Variants in AVP observed in about 807,000 individuals in gnomAD.
AVP encodes arginine vasopressin.
In AVP, 9 loss-of-function variants were observed where a neutral mutation model predicts 11.1. That is an observed-to-expected ratio of 0.81 (90% CI 0.49 to 1.42). AVP has a LOEUF of 1.42. Among genes scored for constraint, AVP ranks in the 40% most tolerant of loss-of-function variants. The probability of loss-of-function intolerance (pLI) is 0.00; values close to 1 mark genes in which losing one functional copy is unlikely to be tolerated. For synonymous variants in AVP, 106 were observed against 111.3 expected (o/e 0.95, Z 0.30); for missense variants, 206 against 238.5 (o/e 0.86, Z 0.90).
rs913124640 is a variant in AVP at position 3,083,270 on chromosome 20, G to A, written c.121-92C>T. On this transcript the variant is annotated intron_variant, in intron 1 of 2. Transcript: ENST00000380293. The surrounding 1 kb of genome is among the most constrained non-coding windows in gnomAD (Gnocchi z 5.4). ...GCGAGGCGGGGATGCTGGGGTCCAG[G>A]GCTCGGAGTGCGGGCGGGACACCGG... 4 of 1,280,772 alleles carry A rather than the reference G, an allele frequency of 3.1e-6. No individual in the cohort carries two copies. Among genetic ancestry groups the A allele is most frequent in the Non-Finnish European group, 4.0e-6 (4 of 991,436 alleles). 79.3% of individuals were successfully genotyped at this position (1,280,772 alleles called of 1,614,324 possible).
At chr20:3,084,498 C>T in intron 1 of AVP, 57 bp downstream of exon 1, 2 of 1,611,590 alleles carry the variant, frequency 1.2e-6, no homozygotes, top group Non-Finnish European at 1.7e-6. Flanking sequence ...GCCCCTGACC[C>T]AGGGTGTCAG....
rs1459924350 is a variant in AVP at position 3,082,923 on chromosome 20, C to T, written c.322+54G>A. ...CACCCCGCCGCAGGCCCGCGTCCCCCCCACCCAAGCGGTCTGCGCCCCCCC... is the reference window on the plus strand; with the variant it reads ...CACCCCGCCGCAGGCCCGCGTCCCCTCCACCCAAGCGGTCTGCGCCCCCCC... On this transcript the variant is annotated intron_variant, in intron 2 of 2. Transcript: ENST00000380293. The surrounding 1 kb of genome is among the most constrained non-coding windows in gnomAD (Gnocchi z 4.7). 1.9e-5 allele frequency: 21 copies of T among 1,079,464 alleles called. No individual in the cohort carries two copies. Among genetic ancestry groups the T allele is most frequent in the Non-Finnish European group, 2.4e-5 (21 of 859,922 alleles). The allele number at this position is 1,079,464 out of a possible 1,614,324, so 66.9% of individuals were successfully genotyped here.
At chr20:3,084,120 C>T (rs2066125601) in intron 1 of AVP, among the ~76,000 whole-genome samples, 2 of 152,186 alleles carry the variant, frequency 1.3e-5, no homozygotes, top group South Asian at 4.1e-4. Flanking sequence ...TGTGTGGGGG[C>T]CTGGGCGCCT....
In AVP at chr20:3,082,893, GC is replaced by G; in HGVS notation, c.322+83del. On this transcript the variant is annotated intron_variant, in intron 2 of 2. Coordinates refer to ENST00000380293, the MANE Select transcript of AVP (RefSeq NM_000490.5). This position sits in a 1 kb window ranked among gnomAD's most constrained non-coding sequence, Gnocchi z 4.7. ...CACCCTCCCTGCCGGGCCCGACGCA[GC>G]CCCCACCCCGCCGCAGGCCCGCGTC... The G allele has an allele frequency of 8.4e-7, 1 of 1,191,536 alleles. No homozygotes were observed. Among genetic ancestry groups the G allele is most frequent in the Non-Finnish European group, 1.0e-6 (1 of 953,856 alleles). The allele number at this position is 1,191,536 out of a possible 1,614,324, so 73.8% of individuals were successfully genotyped here.
rs2066119850 is a variant in AVP, at chr20:3,083,100, C to T, written c.199G>A (p.Val67Met). 1 of 1,553,526 alleles carries T rather than the reference C, an allele frequency of 6.4e-7. No individual in the cohort carries two copies. The highest frequency in any genetic ancestry group is 1.4e-5 in the African/African-American group (1 of 71,116). ...CAGCGCAGCGCCTCAGCCGTGCCCA[C>T]GAAGCAGCCCAGCTCGTCCGCGCAG... is the stretch of plus-strand genomic sequence containing the variant. ...ICCADELGCF[V>M]GTAEALRCQE... Residue 67 changes from valine (V) to methionine (M), a missense_variant, in exon 2 of 3, where the codon GTG (valine) becomes ATG (methionine). Around this residue, in one of 2 missense-constraint regions of AVP, gnomAD observed 100 missense variants for 149.3 expected, o/e 0.67. Coordinates refer to ENST00000380293, the MANE Select transcript of AVP (RefSeq NM_000490.5). The surrounding 1 kb of genome is among the most constrained non-coding windows in gnomAD (Gnocchi z 5.4).
chr20:3,084,465 A>G (rs148045404), intron 1 of AVP, 90 bp downstream of exon 1: 49,992 of 1,599,822 alleles, frequency 0.031, 931 homozygotes, highest in Non-Finnish European at 0.036. Context: ...GGCTACCACC[A>G]CCCATGACTT....
chr20:3,082,906 C>T lies in AVP; in HGVS notation c.322+71G>A. 1.4e-6 allele frequency: 1 copy of T among 731,432 alleles called. No homozygotes were observed. Among genetic ancestry groups the T allele is most frequent in the African/African-American group, 2.0e-5 (1 of 49,640 alleles). 45.3% of individuals were successfully genotyped at this position (731,432 alleles called of 1,614,324 possible). ...GGGCCCGACGCAGCCCCCACCCCGC[C>T]GCAGGCCCGCGTCCCCCCCACCCAA... On this transcript the variant is annotated intron_variant, in intron 2 of 2. Coordinates refer to ENST00000380293, the MANE Select transcript of AVP (RefSeq NM_000490.5). The surrounding 1 kb of genome is among the most constrained non-coding windows in gnomAD (Gnocchi z 4.7).
chr20:3,082,794 C>A lies in AVP; in HGVS notation c.331G>T (p.Val111Leu). ...CCCTCGCGGCACTCGGGCTCGGTCA[C>A]GCAGCTCTCTGCCGGGAGGACGTGT... is the stretch of plus-strand genomic sequence containing the variant. ...FGVCCNDESCVTEPECREGFH... is the reference protein window; with the variant it reads ...FGVCCNDESCLTEPECREGFH... Residue 111 changes from valine (V) to leucine (L), a missense_variant, in exon 3 of 3, where the codon GTG (valine) becomes TTG (leucine). Around this residue, in one of 2 missense-constraint regions of AVP, gnomAD observed 106 missense variants for 89.2 expected, o/e 1.19. Transcript: ENST00000380293. This position sits in a 1 kb window ranked among gnomAD's most constrained non-coding sequence, Gnocchi z 4.7. 3.2e-6 allele frequency: 4 copies of A among 1,247,610 alleles called. No individual in the cohort carries two copies. The highest frequency in any genetic ancestry group is 4.0e-6 in the Non-Finnish European group (4 of 998,516). 77.3% of individuals were successfully genotyped at this position (1,247,610 alleles called of 1,614,324 possible).
rs2066124818 is a variant in AVP, at chr20:3,083,935, G to C, written c.120+620C>G. ...AGCTGAGCCTGGTGTGGTCTAATTT[G>C]CTCAAGGGCTCATCATTGAGCCTGG... On this transcript the variant is annotated intron_variant, in intron 1 of 2. Transcript: ENST00000380293. This position sits in a 1 kb window ranked among gnomAD's most constrained non-coding sequence, Gnocchi z 5.4. 6.6e-6 allele frequency among the ~76,000 whole-genome samples: 1 copy of C among 152,228 alleles called. No individual in the cohort carries two copies. Among genetic ancestry groups the C allele is most frequent in the African/African-American group, 2.4e-5 (1 of 41,466 alleles).
In AVP at chr20:3,082,602, G is replaced by A. The variant is rs2066114952; in HGVS notation, c.*28C>T. On this transcript the variant is annotated 3_prime_UTR_variant, in exon 3 of 3. Coordinates refer to ENST00000380293, the MANE Select transcript of AVP (RefSeq NM_000490.5). This position sits in a 1 kb window ranked among gnomAD's most constrained non-coding sequence, Gnocchi z 4.7. ...TCCGTGCTGCAGGGGCGGGCGCGAA[G>A]AGCGCGCCGGTGGGGCGAGCGCGGG... The A allele has an allele frequency of 8.0e-7, 1 of 1,244,858 alleles. No individual in the cohort carries two copies. The highest frequency in any genetic ancestry group is 1.0e-6 in the Non-Finnish European group (1 of 995,496). 77.1% of individuals were successfully genotyped at this position (1,244,858 alleles called of 1,614,324 possible). A position where few individuals can be genotyped will look rare whatever the true frequency, so the allele number is the denominator to read the frequency against.
intron 1 of AVP, among the ~76,000 whole-genome samples, chr20:3,084,223 C>G (rs560802316): frequency 1.3e-5 from 2 of 152,292 alleles, no homozygotes; most frequent in South Asian, 4.1e-4. Context: ...GCAAGAACGC[C>G]ATGGGCACAG....
rs761868576 is a variant in AVP at position 3,083,162 on chromosome 20, G to A, written c.137C>T (p.Pro46Leu). The change falls in exon 2 of 3, where the codon CCC becomes CTC. Residue 46 changes from proline (P) to leucine (L), a missense_variant. This residue lies in a region of AVP where 100 missense variants were observed against 149.3 expected (regional missense o/e 0.67). Transcript: ENST00000380293. This position sits in a 1 kb window ranked among gnomAD's most constrained non-coding sequence, Gnocchi z 5.4. ...LELRQCLPCG[P>L]GGKGRCFGPS... ...CCCGAAGCAGCGGCCTTTGCCCCCGGGGCCGCAGGGGAGGCACTGCGGGGA... is the reference window on the plus strand; with the variant it reads ...CCCGAAGCAGCGGCCTTTGCCCCCGAGGCCGCAGGGGAGGCACTGCGGGGA... 2.3e-5 allele frequency: 35 copies of A among 1,503,190 alleles called. No individual in the cohort carries two copies. Among genetic ancestry groups the A allele is most frequent in the Non-Finnish European group, 2.9e-5 (33 of 1,132,466 alleles). 93.1% of individuals were successfully genotyped at this position (1,503,190 alleles called of 1,614,324 possible).
chr20:3,082,809 G>T lies in AVP; in HGVS notation c.323-7C>A. On this transcript the variant is annotated splice_region_variant and splice_polypyrimidine_tract_variant and intron_variant, in intron 2 of 2. Transcript: ENST00000380293. This position sits in a 1 kb window ranked among gnomAD's most constrained non-coding sequence, Gnocchi z 4.7. ...GGCTCGGTCACGCAGCTCTCTGCCG[G>T]GAGGACGTGTGAGCACGGGCGCCCT... is the stretch of plus-strand genomic sequence containing the variant. The T allele has an allele frequency of 8.1e-7, 1 of 1,238,272 alleles. No homozygotes were observed. Among genetic ancestry groups the T allele is most frequent in the South Asian group, 3.2e-5 (1 of 31,018 alleles). 76.7% of individuals were successfully genotyped at this position (1,238,272 alleles called of 1,614,324 possible).
Position 3,082,906 on chromosome 20 carries a change from C to CCCCCGG in AVP, c.322+70_322+71insCCGGGG. On this transcript the variant is annotated intron_variant, in intron 2 of 2. Coordinates refer to ENST00000380293, the MANE Select transcript of AVP (RefSeq NM_000490.5). The surrounding 1 kb of genome is among the most constrained non-coding windows in gnomAD (Gnocchi z 4.7). ...GGGCCCGACGCAGCCCCCACCCCGCCGCAGGCCCGCGTCCCCCCCACCCAA... is the reference window on the plus strand; with the variant it reads ...GGGCCCGACGCAGCCCCCACCCCGCCCCCCGGGCAGGCCCGCGTCCCCCCCACCCAA... 12 of 731,294 alleles carry CCCCCGG rather than the reference C, an allele frequency of 1.6e-5. No individual in the cohort carries two copies. Among genetic ancestry groups the CCCCCGG allele is most frequent in the South Asian group, 4.8e-5 (1 of 21,024 alleles). The allele number at this position is 731,294 out of a possible 1,614,324, so 45.3% of individuals were successfully genotyped here. A position where few individuals can be genotyped will look rare whatever the true frequency, so the allele number is the denominator to read the frequency against.
Position 3,082,580 on chromosome 20 carries a change from G to A in AVP, c.*50C>T. 1.6e-6 allele frequency: 2 copies of A among 1,230,668 alleles called. No homozygotes were observed. Among genetic ancestry groups the A allele is most frequent in the African/African-American group, 1.6e-5 (1 of 63,916 alleles). The allele number at this position is 1,230,668 out of a possible 1,614,324, so 76.2% of individuals were successfully genotyped here. ...GTGCATTGGCGGAGGTTTATTGTCC[G>A]TGCTGCAGGGGCGGGCGCGAAGAGC... On this transcript the variant is annotated 3_prime_UTR_variant, in exon 3 of 3. Transcript: ENST00000380293. This position sits in a 1 kb window ranked among gnomAD's most constrained non-coding sequence, Gnocchi z 4.7.
In AVP at chr20:3,083,002, G is replaced by T; in HGVS notation, c.297C>A (p.Ala99=). The stretch of plus-strand genomic sequence containing the variant: ...CGTCGTTGCAGCAAACGCCGAAGGC[G>T]GCGCAGCGGCCCCCGCTCCCGCACG... ...QKACGSGGRC[A]AFGVCCNDES... is the part of the protein sequence containing the mutation. The change falls in exon 2 of 3, where the codon GCC becomes GCA. Residue 99 remains alanine, a synonymous_variant. Transcript: ENST00000380293. The surrounding 1 kb of genome is among the most constrained non-coding windows in gnomAD (Gnocchi z 5.4). The T allele has an allele frequency of 3.3e-6, 5 of 1,520,432 alleles. No homozygotes were observed. Among genetic ancestry groups the T allele is most frequent in the Non-Finnish European group, 3.5e-6 (4 of 1,142,196 alleles). The allele number at this position is 1,520,432 out of a possible 1,614,324, so 94.2% of individuals were successfully genotyped here.
rs1477008312 is a variant in AVP, at chr20:3,083,531, C to A, written c.121-353G>T. On this transcript the variant is annotated intron_variant, in intron 1 of 2. Coordinates refer to ENST00000380293, the MANE Select transcript of AVP (RefSeq NM_000490.5). The surrounding 1 kb of genome is among the most constrained non-coding windows in gnomAD (Gnocchi z 5.4). ...GTTGCAGCTGCCCCACCCTCCACCACTCCAGACCCTTCCTCCTTCCTCCTC... is the reference window on the plus strand; with the variant it reads ...GTTGCAGCTGCCCCACCCTCCACCAATCCAGACCCTTCCTCCTTCCTCCTC... Among the ~76,000 whole-genome samples, 1 of 152,192 alleles carries A rather than the reference C, an allele frequency of 6.6e-6. No individual in the cohort carries two copies. Among genetic ancestry groups the A allele is most frequent in the Non-Finnish European group, 1.5e-5 (1 of 68,034 alleles).
At chr20:3,084,479 T>C in intron 1 of AVP, 76 bp downstream of exon 1, 1 of 1,606,692 alleles carries the variant, frequency 6.2e-7, no homozygotes, top group Non-Finnish European at 8.5e-7. Context: ...ATGACTTCCC[T>C]CTTTCCTAGC....
intron 1 of AVP, 141 bp downstream of exon 1, chr20:3,084,414 C>T: frequency 6.8e-7 from 1 of 1,472,366 alleles, no homozygotes; most frequent in Middle Eastern, 1.8e-4. Flanking sequence ...TCTGCCCAGC[C>T]ATGCCATGCC....
Sources: gnomAD v4.1 joint callset for allele counts (sites outside exome capture counted in the v4.1 genomes callset) on GRCh38, gnomAD v4.1.1 for gene constraint, gnomAD v4.1.1 regional missense constraint, Gnocchi (gnomAD v3.1) non-coding constraint, MANE v1.5 for transcripts, NCBI Gene and HGNC (gene_info 2026-07-23, HGNC 2026-07-21) for gene names.